Variants in ZPBP observed in about 807,000 individuals in gnomAD.
The protein encoded by ZPBP is zona pellucida binding protein.
A neutral mutation model predicts 44.8 loss-of-function variants in ZPBP; 26 were observed. That is an observed-to-expected ratio of 0.58 (90% CI 0.43 to 0.81). The LOEUF is 0.81. Among genes scored for constraint, ZPBP ranks in the 30% least tolerant of loss-of-function variants. The pLI, the probability that ZPBP is intolerant of heterozygous loss-of-function variation, is 0.00. For synonymous variants in ZPBP, 174 were observed against 153.2 expected (o/e 1.14, Z -1.00); for missense variants, 409 against 434.0 (o/e 0.94, Z 0.51).
At chr7:50,033,424 A>G (rs561268766) in intron 4 of ZPBP, among the ~76,000 whole-genome samples, 2 of 152,262 alleles carry the variant, frequency 1.3e-5, no homozygotes, top group South Asian at 4.1e-4. Flanking sequence ...CCCTGTCTAC[A>G]TGGTTCTTTA....
intron 1 of ZPBP, among the ~76,000 whole-genome samples, chr7:50,090,694 GTTTC>G (rs1039051513): frequency 3.3e-5 from 5 of 151,726 alleles, no homozygotes; most frequent in African/African-American, 1.2e-4. Context: ...ATACACCACA[GTTTC>G]TTTATCCACT....
chr7:49,864,896 T>C (rs878905266), intron 2 of ZPBP, among the ~76,000 whole-genome samples: 4 of 152,242 alleles, frequency 2.6e-5, no homozygotes, highest in Admixed American at 2.0e-4. Flanking sequence ...CTTGCTTTGT[T>C]GCTGTAAACC....
intron 2 of ZPBP, among the ~76,000 whole-genome samples, chr7:49,895,640 G>A (rs979545687): frequency 2.0e-5 from 3 of 152,054 alleles, no homozygotes; most frequent in African/African-American, 7.2e-5. Flanking sequence ...TCAACACAAT[G>A]TAACATATCA....
At chr7:49,930,679 G>A (rs1794416068) in intron 1 of ZPBP, among the ~76,000 whole-genome samples, 1 of 152,056 alleles carries the variant, frequency 6.6e-6, no homozygotes, top group Non-Finnish European at 1.5e-5. Context: ...CTTGGCAAGT[G>A]GTCCAGAAGA....
At chr7:50,058,763 G>C (rs1801094001) in intron 3 of ZPBP, among the ~76,000 whole-genome samples, 1 of 152,086 alleles carries the variant, frequency 6.6e-6, no homozygotes, top group Non-Finnish European at 1.5e-5. Flanking sequence ...GGTTAGAATG[G>C]GATGTAAGCT....
rs535498649 is a variant in ZPBP at position 50,069,844 on chromosome 7, G to A, written c.335-11703C>T. ...CCCTGTCATAGCCTGCTGCGGCTAC[G>A]AAGCTGGTCCTATCAGCCTTATGCA... On this transcript the variant is annotated intron_variant, in intron 3 of 7. Coordinates refer to ENST00000046087, the MANE Select transcript of ZPBP (RefSeq NM_007009.3). Among the ~76,000 whole-genome samples the A allele has an allele frequency of 1.6e-3, 236 of 152,110 alleles. 1 individual carries two copies. Among genetic ancestry groups the A allele is most frequent in the Admixed American group, 3.5e-3 (53 of 15,270 alleles).
chr7:49,844,099 G>A, the ZPBP span, among the ~76,000 whole-genome samples: 12 of 152,194 alleles, frequency 7.9e-5, no homozygotes, highest in African/African-American at 2.2e-4. Flanking sequence ...GGAGAGGATG[G>A]CAACAGGTGG....
chr7:50,060,298 G>C (rs1801181799), intron 3 of ZPBP, among the ~76,000 whole-genome samples: 1 of 151,990 alleles, frequency 6.6e-6, no homozygotes, highest in African/African-American at 2.4e-5. Flanking sequence ...CATCCCCCAA[G>C]GCTTGTCAAA....
intron 3 of ZPBP, among the ~76,000 whole-genome samples, chr7:50,078,114 T>C (rs1162191474): frequency 6.6e-6 from 1 of 151,782 alleles, no homozygotes; most frequent in Non-Finnish European, 1.5e-5. Context: ...CTGGAGATCA[T>C]TATGTTAAGC....
intron 3 of ZPBP, among the ~76,000 whole-genome samples, chr7:50,066,884 C>G (rs1002755085): frequency 9.2e-5 from 14 of 152,162 alleles, no homozygotes; most frequent in Admixed American, 9.2e-4. Context: ...TCGGGTCGGG[C>G]GATCTGGGTC....
chr7:49,899,764 G>A (rs12673374), intron 2 of ZPBP, among the ~76,000 whole-genome samples: 28,669 of 151,680 alleles, frequency 0.19, 3,793 homozygotes, highest in East Asian at 0.64. Flanking sequence ...GTATAGATTC[G>A]GGAAGCTGAA....
chr7:50,040,049 C>A (rs903646779), intron 4 of ZPBP, among the ~76,000 whole-genome samples: 1 of 151,906 alleles, frequency 6.6e-6, no homozygotes, highest in Non-Finnish European at 1.5e-5. Context: ...TCATTTAATT[C>A]AACAGAATTA....
rs1327259332 is a variant in ZPBP at position 49,972,682 on chromosome 7, T to A, written c.961+10660A>T. On this transcript the variant is annotated intron_variant, in intron 7 of 7. Coordinates refer to ENST00000046087, the MANE Select transcript of ZPBP (RefSeq NM_007009.3). ...AAAGCAATCTACAGATTCAGTATTGTCCCTATCAAAATGTCAAGCATATTT... is the reference window on the plus strand; with the variant it reads ...AAAGCAATCTACAGATTCAGTATTGACCCTATCAAAATGTCAAGCATATTT... 2.0e-5 allele frequency among the ~76,000 whole-genome samples: 3 copies of A among 152,022 alleles called. No homozygotes were observed. In the East Asian group the frequency reaches 5.8e-4, roughly 29 times the overall value.
chr7:49,851,317 T>G (rs980010134), intron 2 of ZPBP, among the ~76,000 whole-genome samples: 2 of 152,204 alleles, frequency 1.3e-5, no homozygotes, highest in African/African-American at 4.8e-5. Context: ...AAAAACCCTT[T>G]TCCAAATAAG....
chr7:50,056,924 G>A (rs767696954), intron 4 of ZPBP, among the ~76,000 whole-genome samples: 1 of 152,108 alleles, frequency 6.6e-6, no homozygotes, highest in Non-Finnish European at 1.5e-5. Context: ...GGTGGCTCAT[G>A]CCTGTAATCC....
At chr7:50,093,036 T>C (rs763901448) in intron 1 of ZPBP, 32 bp downstream of exon 1, 8 of 1,585,534 alleles carry the variant, frequency 5.0e-6, no homozygotes, top group Middle Eastern at 1.7e-4. Context: ...CGGTTGTCCC[T>C]GCGGAGCCGG....
chr7:50,018,454 C>A, intron 5 of ZPBP, 138 bp from the exon 6 acceptor site: 2 of 685,414 alleles, frequency 2.9e-6, no homozygotes, highest in South Asian at 2.2e-5. Flanking sequence ...TGCTAAATGA[C>A]TCTTCAGCAA....
rs572121787 is a variant in ZPBP, at chr7:50,047,678, A to G, written c.487+10311T>C. ...CCCAAATGGCAAAAAAAAAAAAAAA[A>G]ACCCAAATGGCTACAACCGCTGCTT... On this transcript the variant is annotated intron_variant, in intron 4 of 7. Coordinates refer to ENST00000046087, the MANE Select transcript of ZPBP (RefSeq NM_007009.3). Among the ~76,000 whole-genome samples, 51 of 151,428 alleles carry G rather than the reference A, an allele frequency of 3.4e-4. 1 individual carries two copies. The South Asian group carries it at 0.011, about 31-fold the overall frequency.
chr7:50,081,400 A>G (rs1802344093), intron 3 of ZPBP, among the ~76,000 whole-genome samples: 1 of 151,758 alleles, frequency 6.6e-6, no homozygotes, highest in Non-Finnish European at 1.5e-5. Flanking sequence ...CTTTTATCCA[A>G]TCAAAAAATT....
Sources: allele counts gnomAD v4.1 joint callset (sites outside exome capture counted in the v4.1 genomes callset), GRCh38; gene constraint gnomAD v4.1.1; transcripts MANE v1.5; gene names NCBI Gene and HGNC (gene_info 2026-07-23, HGNC 2026-07-21).